SLC37A3: variants seen among roughly 807,000 people sequenced by gnomAD.
SLC37A3 encodes the protein solute carrier family 37 member 3.
Under a neutral mutation model 67.1 loss-of-function variants are expected in SLC37A3, and 51 were observed. The observed-to-expected ratio is 0.76, with a 90% CI of 0.61 to 0.96. SLC37A3 has a LOEUF of 0.96. Among genes scored for constraint, SLC37A3 ranks in the 40% least tolerant of loss-of-function variants. The pLI is 0.00. For synonymous variants in SLC37A3, 214 were observed against 231.4 expected (o/e 0.92, Z 0.68); for missense variants, 508 against 603.0 (o/e 0.84, Z 1.65).
At chr7:140,335,536 C>T in intron 14 of SLC37A3, 32 bp from the exon 15 acceptor site, 1 of 1,604,818 alleles carries the variant, frequency 6.2e-7, no homozygotes, top group East Asian at 2.2e-5. Context: ...AAATATGCAG[C>T]AACAGTTTAC....
intron 2 of SLC37A3, among the ~76,000 whole-genome samples, chr7:140,381,047 G>C (rs1216879288): frequency 6.6e-6 from 1 of 151,484 alleles, no homozygotes; most frequent in African/African-American, 2.4e-5. Context: ...ACAGGCACGT[G>C]CCATCACGCC....
chr7:140,393,977 C>T (rs746354533), intron 1 of SLC37A3, among the ~76,000 whole-genome samples: 5 of 152,050 alleles, frequency 3.3e-5, no homozygotes, highest in Admixed American at 6.5e-5. Flanking sequence ...TCGGGACCAG[C>T]CTGAGCAATA....
intron 6 of SLC37A3, among the ~76,000 whole-genome samples, chr7:140,358,190 T>C (rs907163230): frequency 6.6e-6 from 1 of 152,200 alleles, no homozygotes; most frequent in African/African-American, 2.4e-5. Context: ...CCTTGTTACA[T>C]GACCTTGGGC....
chr7:140,351,310 C>T lies in SLC37A3; in HGVS notation c.845G>A (p.Ser282Asn). 1 of 1,614,124 alleles carries T rather than the reference C, an allele frequency of 6.2e-7. No individual in the cohort carries two copies. The highest frequency in any genetic ancestry group is 8.5e-7 in the Non-Finnish European group (1 of 1,179,994). ...DSSVAQVKAI[S>N]FYQACCLPGV... ...AGGAAGGCAACATGCCTGGTAGAAG[C>T]TTATCGCCTTGACTTGGGCAACAGA... Residue 282 changes from serine (S) to asparagine (N), a missense_variant, in exon 9 of 15, where the codon AGC (serine) becomes AAC (asparagine). Physicochemically the swap from Ser to Asn is conservative, Grantham distance 46. Transcript: ENST00000326232.
intron 5 of SLC37A3, among the ~76,000 whole-genome samples, chr7:140,359,921 G>C (rs1797198323): frequency 6.6e-6 from 1 of 152,132 alleles, no homozygotes. Flanking sequence ...ACACAAAAAA[G>C]TCTGTACACA....
intron 4 of SLC37A3, among the ~76,000 whole-genome samples, chr7:140,368,439 T>C (rs1160539660): frequency 6.6e-6 from 1 of 152,064 alleles, no homozygotes; most frequent in Non-Finnish European, 1.5e-5. Context: ...TGGTGGCGCA[T>C]GCCTGCAATC....
Position 140,364,542 on chromosome 7 carries a change from A to G in SLC37A3, c.292-51T>C, listed in dbSNP as rs774582051. 3 of 1,539,476 alleles carry G rather than the reference A, an allele frequency of 1.9e-6. No homozygotes were observed. The South Asian group carries it at 3.4e-5, about 18-fold the overall frequency. ...AGCTCTAAATAATAACACAGTATGA[A>G]AAAGTAACATGCACTGCAAAGCAAA... On this transcript the variant is annotated intron_variant, in intron 4 of 14. Coordinates refer to ENST00000326232, the MANE Select transcript of SLC37A3 (RefSeq NM_207113.3).
intron 5 of SLC37A3, among the ~76,000 whole-genome samples, chr7:140,363,705 T>A (rs149317044): frequency 4.9e-4 from 45 of 91,084 alleles, no homozygotes; most frequent in East Asian, 9.3e-4. Context: ...AAAAAATAAA[T>A]AAAAAAATAA....
At chr7:140,364,742 AAG>A (rs1797532678) in intron 4 of SLC37A3, among the ~76,000 whole-genome samples, 1 of 151,970 alleles carries the variant, frequency 6.6e-6, no homozygotes. Context: ...TAAAAAAAAA[AAG>A]AAATGGCAGC....
At chr7:140,346,400 C>A (rs1279822457) in intron 10 of SLC37A3, among the ~76,000 whole-genome samples, 1 of 151,890 alleles carries the variant, frequency 6.6e-6, no homozygotes, top group Non-Finnish European at 1.5e-5. Context: ...AGGTCTGACT[C>A]CCTGAAAAGG....
chr7:140,397,230 G>T (rs1028305107), intron 1 of SLC37A3, among the ~76,000 whole-genome samples: 1 of 146,772 alleles, frequency 6.8e-6, no homozygotes, highest in African/African-American at 2.5e-5. Flanking sequence ...GTCTGGCTCT[G>T]TCACCCAGGC....
chr7:140,377,743 T>A (rs949634852), intron 3 of SLC37A3, among the ~76,000 whole-genome samples: 4 of 152,128 alleles, frequency 2.6e-5, no homozygotes, highest in African/African-American at 9.7e-5. Flanking sequence ...AGCAAAATAT[T>A]TTTTTAGCTG....
intron 13 of SLC37A3, among the ~76,000 whole-genome samples, chr7:140,339,830 G>A (rs1341478950): frequency 1.1e-4 from 17 of 150,992 alleles, no homozygotes; most frequent in Non-Finnish European, 5.9e-5. Flanking sequence ...TCCACCTCCC[G>A]GGTTCACGCC....
At position 140,367,960 on chromosome 7, in the gene SLC37A3, C is replaced by A. The variant is rs190391583; in HGVS notation, c.291+1630G>T. On this transcript the variant is annotated intron_variant, in intron 4 of 14. Transcript: ENST00000326232. The stretch of plus-strand genomic sequence containing the variant: ...TCAGCCTCCCAAGTAGCTGGGACTA[C>A]AGGCACCCACATCTGGCTAATTTTT... 2.8e-4 allele frequency among the ~76,000 whole-genome samples: 43 copies of A among 152,058 alleles called. No individual in the cohort carries two copies. In the East Asian group the frequency reaches 8.1e-3, roughly 29 times the overall value.
chr7:140,352,933 C>A (rs983431431), intron 7 of SLC37A3, among the ~76,000 whole-genome samples: 2 of 152,056 alleles, frequency 1.3e-5, no homozygotes, highest in Non-Finnish European at 2.9e-5. Flanking sequence ...GAAGTCAAAT[C>A]TGAGAGCAGC....
At chr7:140,343,767 C>T in intron 12 of SLC37A3, 1 of 546,980 alleles carries the variant, frequency 1.8e-6, no homozygotes, top group Admixed American at 3.6e-5. Context: ...ATGTGACACT[C>T]TAGTATATTT....
At chr7:140,395,777 G>GA (rs1254004681) in intron 1 of SLC37A3, among the ~76,000 whole-genome samples, 1 of 151,812 alleles carries the variant, frequency 6.6e-6, no homozygotes. Context: ...CAAGGATGGG[G>GA]AAAAAAAACA....
At chr7:140,338,898 T>C (rs962622056) in intron 13 of SLC37A3, among the ~76,000 whole-genome samples, 3 of 151,534 alleles carry the variant, frequency 2.0e-5, no homozygotes, top group African/African-American at 7.3e-5. Flanking sequence ...CCCAAGTAGC[T>C]GAGGTGCCAC....
At chr7:140,363,049 G>A (rs1221385421) in intron 5 of SLC37A3, among the ~76,000 whole-genome samples, 3 of 88,296 alleles carry the variant, frequency 3.4e-5, no homozygotes, top group Admixed American at 9.9e-5. Context: ...CCGGCCAGCC[G>A]CCCCGTCAGG....
Sources: gnomAD v4.1 joint callset for allele counts (sites outside exome capture counted in the v4.1 genomes callset) on GRCh38, gnomAD v4.1.1 for gene constraint, MANE v1.5 for transcripts, NCBI Gene and HGNC (gene_info 2026-07-23, HGNC 2026-07-21) for gene names.